The following TBL1X variants were observed in gnomAD, a reference collection of about 807,000 sequenced individuals.
TBL1X encodes F-box-like/WD repeat-containing protein TBL1X.
In TBL1X, 10 loss-of-function variants were observed where a neutral mutation model predicts 50.7. That is an observed-to-expected ratio of 0.20 (90% CI 0.12 to 0.33). TBL1X has a LOEUF of 0.33. TBL1X is among the 10% of genes least tolerant of loss of function. The probability of loss-of-function intolerance (pLI) is 1.00; values close to 1 mark genes in which losing one functional copy is unlikely to be tolerated. For missense variants in TBL1X, 340 were observed against 504.4 expected (o/e 0.67, Z 3.12); for synonymous variants, 190 against 214.7 (o/e 0.88, Z 1.01).
chrX:9,676,563 G>A (rs997750297), intron 5 of TBL1X, among the ~76,000 whole-genome samples: 1 of 112,071 alleles, frequency 8.9e-6, no homozygotes, highest in East Asian at 2.8e-4. Flanking sequence ...GTATTTTAAC[G>A]AGATCCTTCT....
At chrX:9,636,016 G>C (rs2082744775) in intron 2 of TBL1X, among the ~76,000 whole-genome samples, 1 of 112,045 alleles carries the variant, frequency 8.9e-6, no homozygotes, top group Non-Finnish European at 1.9e-5. Context: ...CAACATGGAT[G>C]CTCTGGGAAA....
Position 9,510,707 on chromosome X carries a change from G to C in TBL1X, c.-131+8858G>C, listed in dbSNP as rs142074022. Among the ~76,000 whole-genome samples, 819 of 112,371 alleles carry C rather than the reference G, an allele frequency of 7.3e-3. 9 individuals are homozygous for C. The highest frequency in any genetic ancestry group is 0.024 in the African/African-American group (747 of 30,919). On this transcript the variant is annotated intron_variant, in intron 2 of 17. Coordinates refer to ENST00000645353, the MANE Select transcript of TBL1X (RefSeq NM_005647.4). Reference sequence around the variant, plus strand: ...AAACACATCAGTAGACTTTGAGTAAGGCAGATGACTTCCATAATGTGGGTG... The same window carrying C: ...AAACACATCAGTAGACTTTGAGTAACGCAGATGACTTCCATAATGTGGGTG...
rs2083075149 is a variant in TBL1X at position 9,688,357 on chromosome X, A to G, written c.616+82A>G. On this transcript the variant is annotated intron_variant, in intron 7 of 17. Transcript: ENST00000645353. ...TTGGGCAAATCCGAATGCCTTCTTA[A>G]AAACCTGCCTGCTATAAATGTCTTA... is the stretch of plus-strand genomic sequence containing the variant. The G allele has an allele frequency of 9.4e-6, 8 of 854,510 alleles. No homozygotes were observed. In the South Asian group the frequency reaches 1.1e-4, roughly 12 times the overall value. The allele number at this position is 854,510 out of a possible 1,213,427, so 70.4% of individuals were successfully genotyped here. A position where few individuals can be genotyped will look rare whatever the true frequency, so the allele number is the denominator to read the frequency against.
chrX:9,554,966 A>G (rs1761062883), intron 2 of TBL1X, among the ~76,000 whole-genome samples: 1 of 112,378 alleles, frequency 8.9e-6, no homozygotes, highest in African/African-American at 3.2e-5. Context: ...TATTCTGGAC[A>G]TTAGATATAA....
rs368427347 is a variant in TBL1X at position 9,552,434 on chromosome X, G to A, written c.-131+50585G>A. On this transcript the variant is annotated intron_variant, in intron 2 of 17. Transcript: ENST00000645353. ...GCCTGAGGAGGAGTTGGCTGGGCTT[G>A]CACTGACGCTTGATTCTTTGTATCA... Among the ~76,000 whole-genome samples the A allele has an allele frequency of 1.8e-4, 20 of 111,607 alleles. No homozygotes were observed. In the East Asian group the frequency reaches 4.5e-3, roughly 25 times the overall value.
intron 12 of TBL1X, among the ~76,000 whole-genome samples, chrX:9,699,653 C>T (rs960149065): frequency 8.1e-5 from 9 of 111,775 alleles, no homozygotes; most frequent in African/African-American, 2.9e-4. Flanking sequence ...CTGCAGGAAA[C>T]AAGACCATGA....
At chrX:9,585,900 C>G (rs775769299) in intron 2 of TBL1X, among the ~76,000 whole-genome samples, 1 of 111,977 alleles carries the variant, frequency 8.9e-6, no homozygotes, top group Non-Finnish European at 1.9e-5. Flanking sequence ...CGTAGCAGTA[C>G]TTAACCTTTC....
chrX:9,691,509 C>A, intron 7 of TBL1X, 70 bp from the exon 8 acceptor site: 6 of 1,041,437 alleles, frequency 5.8e-6, no homozygotes, highest in African/African-American at 1.9e-5. Flanking sequence ...TTTCTGGAAA[C>A]AAAAGAGCCC....
rs771845608 is a variant in TBL1X at position 9,570,947 on chromosome X, G to A, written c.-131+69098G>A. On this transcript the variant is annotated intron_variant, in intron 2 of 17. Coordinates refer to ENST00000645353, the MANE Select transcript of TBL1X (RefSeq NM_005647.4). ...CCGCCTCGGCCTCCCAAAGTGCTCG[G>A]ATTACAGGCGTGAGCCACCGCGCCC... 3.6e-5 allele frequency among the ~76,000 whole-genome samples: 4 copies of A among 111,645 alleles called. No individual in the cohort carries two copies. In the South Asian group the frequency reaches 1.5e-3, roughly 41 times the overall value.
At chrX:9,500,248 G>A (rs1446214332) in intron 1 of TBL1X, among the ~76,000 whole-genome samples, 1 of 88,937 alleles carries the variant, frequency 1.1e-5, no homozygotes, top group African/African-American at 4.4e-5. Flanking sequence ...CTGCACTACA[G>A]CCTGGACAGC....
intron 5 of TBL1X, among the ~76,000 whole-genome samples, chrX:9,667,247 C>G (rs984811438): frequency 5.4e-5 from 6 of 111,449 alleles, no homozygotes; most frequent in African/African-American, 2.0e-4. Flanking sequence ...GGTGACAGAG[C>G]GAGACTCCGT....
intron 2 of TBL1X, among the ~76,000 whole-genome samples, chrX:9,587,862 C>G (rs2082479198): frequency 2.1e-5 from 2 of 93,952 alleles, no homozygotes; most frequent in South Asian, 1.4e-3. Context: ...TTTGTCTACT[C>G]TAGGAACCTC....
intron 2 of TBL1X, among the ~76,000 whole-genome samples, chrX:9,561,008 C>A (rs771482681): frequency 3.4e-4 from 38 of 111,640 alleles, no homozygotes; most frequent in African/African-American, 1.2e-3. Flanking sequence ...ACATTGCTAA[C>A]TGCCTCTTGG....
chrX:9,644,263 G>A (rs772849214), intron 3 of TBL1X, among the ~76,000 whole-genome samples: 2 of 112,157 alleles, frequency 1.8e-5, no homozygotes, highest in Admixed American at 1.9e-4. Flanking sequence ...GAAGTGCTAG[G>A]TTAAAGACCA....
intron 3 of TBL1X, among the ~76,000 whole-genome samples, chrX:9,647,207 A>G (rs946395524): frequency 9.0e-6 from 1 of 111,702 alleles, no homozygotes; most frequent in African/African-American, 3.3e-5. Flanking sequence ...AAGGCTTAAA[A>G]AAAAATACTA....
At chrX:9,536,689 T>TA (rs931649822) in intron 2 of TBL1X, among the ~76,000 whole-genome samples, 3 of 111,996 alleles carry the variant, frequency 2.7e-5, no homozygotes, top group African/African-American at 6.5e-5. Context: ...GACTTTGCTA[T>TA]AAAATCAAAA....
In TBL1X at chrX:9,709,341, G is replaced by C. The variant is rs2083230309; in HGVS notation, c.1311+19G>C. The stretch of plus-strand genomic sequence containing the variant: ...ATTGAAGGTAGAGTCGGCATGGCAA[G>C]GGGTGGGCTGTTTAATCCTAGACAA... On this transcript the variant is annotated intron_variant, in intron 14 of 17. Transcript: ENST00000645353. 1 of 1,206,316 alleles carries C rather than the reference G, an allele frequency of 8.3e-7. No homozygotes were observed. The highest frequency in any genetic ancestry group is 1.8e-5 in the African/African-American group (1 of 57,070).
intron 2 of TBL1X, among the ~76,000 whole-genome samples, chrX:9,597,875 T>C (rs1404323528): frequency 9.0e-6 from 1 of 111,724 alleles, no homozygotes; most frequent in Non-Finnish European, 1.9e-5. Context: ...GTGTCCCGGC[T>C]CCAGTGTTGT....
chrX:9,703,110 A>T (rs921138615), intron 12 of TBL1X, among the ~76,000 whole-genome samples: 2 of 111,273 alleles, frequency 1.8e-5, no homozygotes, highest in Non-Finnish European at 3.8e-5. Flanking sequence ...TCCTTTTGAT[A>T]GTCAGGGTTC....
Sources: allele counts gnomAD v4.1 joint callset (sites outside exome capture counted in the v4.1 genomes callset), GRCh38; gene constraint gnomAD v4.1.1; transcripts MANE v1.5; gene names NCBI Gene and HGNC (gene_info 2026-07-23, HGNC 2026-07-21).